ZP2: variants seen among roughly 807,000 people sequenced by gnomAD.
The protein encoded by ZP2 is zona pellucida glycoprotein 2.
A neutral mutation model predicts 84.0 loss-of-function variants in ZP2; 51 were observed. The ratio of observed to expected loss-of-function variants is 0.61; its 90% CI spans 0.49 to 0.77. ZP2 has a LOEUF of 0.77. Among genes scored for constraint, ZP2 ranks in the 30% least tolerant of loss-of-function variants. The probability of loss-of-function intolerance (pLI) is 0.00; values close to 1 mark genes in which losing one functional copy is unlikely to be tolerated. For synonymous variants in ZP2, 375 were observed against 330.9 expected (o/e 1.13, Z -1.45); for missense variants, 909 against 911.9 (o/e 1.00, Z 0.04).
chr16:21,202,103 C>T lies in ZP2; in HGVS notation c.1287+1G>A, dbSNP rs1420537973. 1 of 1,613,330 alleles carries T rather than the reference C, an allele frequency of 6.2e-7. No individual in the cohort carries two copies. Among genetic ancestry groups the T allele is most frequent in the Non-Finnish European group, 8.5e-7 (1 of 1,179,650 alleles). ...ACCTCGTGCCATCTGCCAGTACTAA[C>T]CTTATATCTCGTTCCACATCCATTC... On this transcript the variant is annotated splice_donor_variant, in intron 11 of 18. Coordinates refer to ENST00000574091, the MANE Select transcript of ZP2 (RefSeq NM_001376232.1). LOFTEE classifies it high-confidence loss of function.
At chr16:21,211,645 G>A (rs553103025), upstream of ZP2, 21 of 1,602,994 alleles carry the variant, frequency 1.3e-5, no homozygotes, top group East Asian at 4.5e-5. Context: ...CCCATTGGGG[G>A]CACCTGAATC....
Position 21,203,300 on chromosome 16 carries a change from A to G in ZP2, c.973-49T>C, listed in dbSNP as rs369630736. 6.0e-5 allele frequency: 96 copies of G among 1,606,524 alleles called. No homozygotes were observed. In the African/African-American group the frequency reaches 9.4e-4, roughly 16 times the overall value. ...GCAGCCACAGTCCGTTGGGGCCCGGAACCGTCACAGGGAGGCAGGAAGCAA... is the reference window on the plus strand; with the variant it reads ...GCAGCCACAGTCCGTTGGGGCCCGGGACCGTCACAGGGAGGCAGGAAGCAA... On this transcript the variant is annotated intron_variant, in intron 9 of 18. Coordinates refer to ENST00000574091, the MANE Select transcript of ZP2 (RefSeq NM_001376232.1).
chr16:21,202,692 A>G (rs1435476157), intron 10 of ZP2, among the ~76,000 whole-genome samples: 1 of 152,142 alleles, frequency 6.6e-6, no homozygotes, highest in East Asian at 1.9e-4. Flanking sequence ...CTGAGGCAGG[A>G]GCTGGTTTTC....
chr16:21,203,605 C>T (rs890211029), intron 9 of ZP2, among the ~76,000 whole-genome samples: 7 of 152,150 alleles, frequency 4.6e-5, no homozygotes, highest in Admixed American at 6.6e-5. Context: ...ATAATATGTA[C>T]CCCCAACCTA....
At chr16:21,209,010 G>A (rs1299169429) in intron 4 of ZP2, among the ~76,000 whole-genome samples, 1 of 152,212 alleles carries the variant, frequency 6.6e-6, no homozygotes, top group African/African-American at 2.4e-5. Flanking sequence ...TGACATCTCA[G>A]TCCTGGTAAT....
In ZP2 at chr16:21,201,419, C is replaced by T. The variant is rs768902572; in HGVS notation, c.1644G>A (p.Thr548=). 57 of 1,606,994 alleles carry T rather than the reference C, an allele frequency of 3.5e-5. No homozygotes were observed. The highest frequency in any genetic ancestry group is 4.5e-5 in the Non-Finnish European group (53 of 1,176,192). Residue 548 remains threonine (T), a synonymous_variant, in exon 14 of 19, where the codon ACG becomes ACA. Coordinates refer to ENST00000574091, the MANE Select transcript of ZP2 (RefSeq NM_001376232.1). ...IKLVLDDCWA[T]STMDPDSFPQ... Reference sequence around the variant, plus strand: ...GGAAAGAGTCTGGATCCATGGTGGACGTCGCCCAGCAGTCATCTAAGACCA... The same window carrying T: ...GGAAAGAGTCTGGATCCATGGTGGATGTCGCCCAGCAGTCATCTAAGACCA...
chr16:21,198,468 TGAGGA>T (rs2093209832), intron 17 of ZP2, among the ~76,000 whole-genome samples: 1 of 152,138 alleles, frequency 6.6e-6, no homozygotes, highest in Non-Finnish European at 1.5e-5. Context: ...TATCCATGAA[TGAGGA>T]TCATGACTAA....
intron 10 of ZP2, 148 bp downstream of exon 10, chr16:21,202,977 G>T: frequency 1.1e-6 from 1 of 901,188 alleles, no homozygotes; most frequent in Non-Finnish European, 1.6e-6. Context: ...CCCCATCGTA[G>T]CAGCTACACT....
chr16:21,197,695 C>T (rs775249614), intron 18 of ZP2, 71 bp downstream of exon 18: 6 of 1,612,692 alleles, frequency 3.7e-6, no homozygotes, highest in Non-Finnish European at 5.1e-6. Flanking sequence ...CATAAGGCTC[C>T]CCAGAGAAGG....
chr16:21,199,722 G>A (rs895399061), intron 15 of ZP2, 21 bp downstream of exon 15: 3 of 1,613,672 alleles, frequency 1.9e-6, no homozygotes, highest in African/African-American at 2.7e-5. Context: ...ACCTGTCCCT[G>A]GTGACTTCTG....
chr16:21,204,493 G>C, intron 7 of ZP2, 89 bp from the exon 8 acceptor site: 1 of 1,011,730 alleles, frequency 9.9e-7, no homozygotes, highest in Non-Finnish European at 1.5e-6. Context: ...ATATATCCAA[G>C]TAATGGGCAC....
chr16:21,208,255 A>G (rs760877103), intron 4 of ZP2, among the ~76,000 whole-genome samples: 2 of 152,222 alleles, frequency 1.3e-5, no homozygotes, highest in Non-Finnish European at 2.9e-5. Flanking sequence ...TCCACAGGTT[A>G]TGGCTTGCAG....
rs1359604403 is a variant in ZP2 at position 21,210,032 on chromosome 16, G to A, written c.235+77C>T. 112 of 1,308,836 alleles carry A rather than the reference G, an allele frequency of 8.6e-5. 1 individual carries two copies. In the Admixed American group the frequency reaches 1.8e-3, roughly 22 times the overall value. The allele number at this position is 1,308,836 out of a possible 1,614,324, so 81.1% of individuals were successfully genotyped here. A position where few individuals can be genotyped will look rare whatever the true frequency, so the allele number is the denominator to read the frequency against. ...GTTGCTGCAGGAGTTTGGGTACTCTGCTCCCCAAACAGGATTGACCTAAGC... is the reference window on the plus strand; with the variant it reads ...GTTGCTGCAGGAGTTTGGGTACTCTACTCCCCAAACAGGATTGACCTAAGC... On this transcript the variant is annotated intron_variant, in intron 3 of 18. Transcript: ENST00000574091.
At chr16:21,197,644 G>T in intron 18 of ZP2, 22 bp from the exon 19 acceptor site, 2 of 1,613,980 alleles carry the variant, frequency 1.2e-6, no homozygotes, top group Non-Finnish European at 1.7e-6. Context: ...GCAGACATTT[G>T]AGTCTTAAGT....
chr16:21,213,653 G>A (rs1432065949), upstream of ZP2, among the ~76,000 whole-genome samples: 1 of 152,166 alleles, frequency 6.6e-6, no homozygotes, highest in Non-Finnish European at 1.5e-5. Context: ...GAGGGAGCGA[G>A]GCGAGAAAAT....
Position 21,201,984 on chromosome 16 carries a change from C to T in ZP2, c.1327G>A (p.Ala443Thr). 6.2e-7 allele frequency: 1 copy of T among 1,614,066 alleles called. No homozygotes were observed. The highest frequency in any genetic ancestry group is 8.5e-7 in the Non-Finnish European group (1 of 1,179,994). ...CTTGGAGGAAAATCCGTCCAGAGAG[C>T]ATGTATTTCGTTTTCATAGACGACT... ...DKVVYENEIH[A>T]LWTDFPPSKI... The change falls in exon 12 of 19, where the codon GCT (alanine) becomes ACT (threonine). Residue 443 changes from alanine (A) to threonine (T), a missense_variant. Transcript: ENST00000574091.
Position 21,204,388 on chromosome 16 carries a change from A to C in ZP2, c.710T>G (p.Leu237Arg), listed in dbSNP as rs1567214434. The C allele has an allele frequency of 6.2e-7, 1 of 1,613,916 alleles. No homozygotes were observed. Among genetic ancestry groups the C allele is most frequent in the Non-Finnish European group, 8.5e-7 (1 of 1,179,866 alleles). Reference protein sequence around the residue: ...VTHYVQGNSHLYMVSLKLTFI... With the variant: ...VTHYVQGNSHRYMVSLKLTFI... ...TGTAAGCTTCAGAGACACCATGTAG[A>C]GATGACTGTTACCTTGCTAGGGGGA... Residue 237 changes from leucine (L) to arginine (R), a missense_variant, in exon 8 of 19, where the codon CTC (leucine) becomes CGC (arginine). Transcript: ENST00000574091.
At position 21,210,197 on chromosome 16, in the gene ZP2, G is replaced by A. The variant is rs762368079; in HGVS notation, c.152-5C>T. ...TTTCATCGCAAGTGACAGTGCCTAA[G>A]GAGCAAAGGAAGCATTTGGGGGCTT... On this transcript the variant is annotated splice_polypyrimidine_tract_variant and splice_region_variant and intron_variant, in intron 2 of 18. Transcript: ENST00000574091. 3 of 1,613,696 alleles carry A rather than the reference G, an allele frequency of 1.9e-6. No homozygotes were observed. The East Asian group carries it at 6.7e-5, about 36-fold the overall frequency.
chr16:21,206,721 A>G (rs1219371126), intron 5 of ZP2, 117 bp downstream of exon 5: 23 of 1,354,678 alleles, frequency 1.7e-5, no homozygotes, highest in African/African-American at 4.3e-5. Flanking sequence ...CACACAGAAA[A>G]TTAGCAAGTA....
Sources: gnomAD v4.1 joint callset for allele counts (sites outside exome capture counted in the v4.1 genomes callset) on GRCh38, gnomAD v4.1.1 for gene constraint, MANE v1.5 for transcripts, NCBI Gene and HGNC (gene_info 2026-07-23, HGNC 2026-07-21) for gene names.